PRR7: variants seen among roughly 807,000 people sequenced by gnomAD.
PRR7 encodes proline rich 7, synaptic, also known as proline-rich protein 7.
Under a neutral mutation model 18.5 loss-of-function variants are expected in PRR7, and 8 were observed. The ratio of observed to expected loss-of-function variants is 0.43; its 90% CI spans 0.25 to 0.78. The LOEUF (loss-of-function observed/expected upper bound fraction) is 0.78, where lower values mean the gene tolerates loss of function less well. PRR7 is among the 30% of genes least tolerant of loss of function. The probability of loss-of-function intolerance (pLI) is 0.22; values close to 1 mark genes in which losing one functional copy is unlikely to be tolerated. For missense variants in PRR7, 396 were observed against 403.1 expected (o/e 0.98, Z 0.15); for synonymous variants, 221 against 187.7 (o/e 1.18, Z -1.45).
In PRR7 at chr5:177,455,248, C is replaced by G; in HGVS notation, c.181C>G (p.Leu61Val). 2 of 1,550,454 alleles carry G rather than the reference C, an allele frequency of 1.3e-6. No individual in the cohort carries two copies. The highest frequency in any genetic ancestry group is 1.7e-6 in the Non-Finnish European group (2 of 1,157,226). The change falls in exon 3 of 4, where the codon CTC (leucine) becomes GTC (valine). Residue 61 changes from leucine to valine, a missense_variant. By Grantham distance (32) the Leu-to-Val change is conservative. Transcript: ENST00000323249. The surrounding 1 kb of genome is among the most constrained non-coding windows in gnomAD (Gnocchi z 6.9). ...LRALELEPLE[L>V]EGSLAGSPPG... ...CGCCCTAGAGCTGGAGCCCCTCGAA[C>G]TCGAGGGCAGTCTGGCCGGGAGCCC...
chr5:177,447,663 T>C (rs1001025642), intron 1 of PRR7: 2 of 151,690 alleles, frequency 1.3e-5, no homozygotes, highest in African/African-American at 4.8e-5. Flanking sequence ...GGAGCGAAGC[T>C]TGCATCCCTC....
intron 1 of PRR7, chr5:177,448,443 C>T (rs1306923682): frequency 6.6e-6 from 1 of 152,222 alleles, no homozygotes; most frequent in Non-Finnish European, 1.5e-5. Context: ...GATGAAGACT[C>T]TAAAGGGAGG....
Position 177,455,351 on chromosome 5 carries a change from A to T in PRR7, c.284A>T (p.His95Leu), listed in dbSNP as rs938737842. The change falls in exon 3 of 4, where the codon CAC (histidine) becomes CTC (leucine). Residue 95 changes from histidine (H) to leucine (L), a missense_variant. His to Leu is a moderately conservative substitution (Grantham distance 99). Coordinates refer to ENST00000323249, the MANE Select transcript of PRR7 (RefSeq NM_030567.5). This position sits in a 1 kb window ranked among gnomAD's most constrained non-coding sequence, Gnocchi z 6.9. ...EAPAHAHSHP[H>L]VHVHPLLHHG... Reference sequence around the variant, plus strand: ...CCGGCTCACGCGCACTCGCATCCGCACGTGCACGTGCACCCGCTGCTGCAC... The same window carrying T: ...CCGGCTCACGCGCACTCGCATCCGCTCGTGCACGTGCACCCGCTGCTGCAC... 66 of 1,492,574 alleles carry T rather than the reference A, an allele frequency of 4.4e-5. No homozygotes were observed. Among genetic ancestry groups the T allele is most frequent in the Non-Finnish European group, 5.3e-5 (60 of 1,129,202 alleles). 92.5% of individuals were successfully genotyped at this position (1,492,574 alleles called of 1,614,324 possible). A position where few individuals can be genotyped will look rare whatever the true frequency, so the allele number is the denominator to read the frequency against.
At chr5:177,447,942 G>A (rs774405227) in intron 1 of PRR7, among the ~76,000 whole-genome samples, 1 of 152,208 alleles carries the variant, frequency 6.6e-6, no homozygotes, top group African/African-American at 2.4e-5. Flanking sequence ...AGGGAGGCAC[G>A]CGCCACATGG....
At chr5:177,446,669 G>A (rs1034889219), upstream of PRR7, 3 of 152,078 alleles carry the variant, frequency 2.0e-5, no homozygotes, top group Non-Finnish European at 4.4e-5. This position sits in a 1 kb window ranked among gnomAD's most constrained non-coding sequence, Gnocchi z 5.3. Context: ...GCAGGTGGGT[G>A]ACCGTCCTCC....
chr5:177,447,234 T>C (rs1405784682), intron 1 of PRR7, among the ~76,000 whole-genome samples: 1 of 151,974 alleles, frequency 6.6e-6, no homozygotes, highest in Non-Finnish European at 1.5e-5. Flanking sequence ...GCAACACGAC[T>C]GCGGGGCGGC....
At position 177,450,056 on chromosome 5, in the gene PRR7, G is replaced by A. The variant is rs1756110946; in HGVS notation, c.-325+3096G>A. 6.6e-6 allele frequency among the ~76,000 whole-genome samples: 1 copy of A among 152,156 alleles called. No individual in the cohort carries two copies. Among genetic ancestry groups the A allele is most frequent in the South Asian group, 2.1e-4 (1 of 4,828 alleles). On this transcript the variant is annotated intron_variant, in intron 1 of 3. Transcript: ENST00000323249. This position sits in a 1 kb window ranked among gnomAD's most constrained non-coding sequence, Gnocchi z 6.6. ...CCACCTGGCTATGGAGACCTGAGCT[G>A]GACCCACTCCTTGAGCCTACATCCT...
In PRR7 at chr5:177,455,605, G is replaced by T. The variant is rs1756384288; in HGVS notation, c.427+111G>T. 1.4e-6 allele frequency: 2 copies of T among 1,396,644 alleles called. No individual in the cohort carries two copies. The highest frequency in any genetic ancestry group is 6.1e-5 in the Admixed American group (2 of 32,550). The allele number at this position is 1,396,644 out of a possible 1,614,324, so 86.5% of individuals were successfully genotyped here. ...CCATCCGCAGCCTCCGGGAGAACAC[G>T]GGCGGCGGCGGGCTCGGGTTCGGGC... On this transcript the variant is annotated intron_variant, in intron 3 of 3. Transcript: ENST00000323249. The surrounding 1 kb of genome is among the most constrained non-coding windows in gnomAD (Gnocchi z 6.9).
At position 177,455,576 on chromosome 5, in the gene PRR7, G is replaced by A; in HGVS notation, c.427+82G>A. ...GGAGGGCTCGCTGCTTACCCTCAGGGCTTCCATCCGCAGCCTCCGGGAGAA... is the reference window on the plus strand; with the variant it reads ...GGAGGGCTCGCTGCTTACCCTCAGGACTTCCATCCGCAGCCTCCGGGAGAA... On this transcript the variant is annotated intron_variant, in intron 3 of 3. Coordinates refer to ENST00000323249, the MANE Select transcript of PRR7 (RefSeq NM_030567.5). The surrounding 1 kb of genome is among the most constrained non-coding windows in gnomAD (Gnocchi z 6.9). The A allele has an allele frequency of 7.1e-7, 1 of 1,413,692 alleles. No individual in the cohort carries two copies. The highest frequency in any genetic ancestry group is 9.2e-7 in the Non-Finnish European group (1 of 1,090,142). 87.6% of individuals were successfully genotyped at this position (1,413,692 alleles called of 1,614,324 possible).
Position 177,455,082 on chromosome 5 carries a change from G to A in PRR7, c.15G>A (p.Gln5=), listed in dbSNP as rs1486117064. ...GTGCCGCCGCCATGGTGATGTCCCA[G>A]GGCACCTACACGTTCCTCACGTGCT... MVMS[Q]GTYTFLTCFA... The change falls in exon 3 of 4, where the codon CAG becomes CAA. Residue 5 remains glutamine (Q), a synonymous_variant. Transcript: ENST00000323249. The surrounding 1 kb of genome is among the most constrained non-coding windows in gnomAD (Gnocchi z 6.9). The A allele has an allele frequency of 6.8e-7, 1 of 1,476,600 alleles. No individual in the cohort carries two copies. 91.5% of individuals were successfully genotyped at this position (1,476,600 alleles called of 1,614,324 possible). A position where few individuals can be genotyped will look rare whatever the true frequency, so the allele number is the denominator to read the frequency against.
At chr5:177,453,122 A>G (rs1756235470) in intron 1 of PRR7, among the ~76,000 whole-genome samples, 2 of 152,214 alleles carry the variant, frequency 1.3e-5, no homozygotes, top group African/African-American at 4.8e-5. Flanking sequence ...TCAAATGGGC[A>G]CAACCACCAC....
At chr5:177,452,311 C>T (rs1756199060) in intron 1 of PRR7, among the ~76,000 whole-genome samples, 1 of 152,310 alleles carries the variant, frequency 6.6e-6, no homozygotes, top group East Asian at 1.9e-4. Context: ...CTGGGAGCAG[C>T]AGGCTGCAGG....
chr5:177,456,184 A>C lies in PRR7; in HGVS notation c.*63A>C. 5 of 1,010,034 alleles carry C rather than the reference A, an allele frequency of 5.0e-6. No homozygotes were observed. Among genetic ancestry groups the C allele is most frequent in the East Asian group, 4.7e-5 (1 of 21,252 alleles). 62.6% of individuals were successfully genotyped at this position (1,010,034 alleles called of 1,614,324 possible). On this transcript the variant is annotated 3_prime_UTR_variant, in exon 4 of 4. Coordinates refer to ENST00000323249, the MANE Select transcript of PRR7 (RefSeq NM_030567.5). ...CTGGCCTGACTGCGGGGCTTTTTAA[A>C]TGCTTCCCTGGACTGCGGGGAGGGG...
chr5:177,449,833 A>G lies in PRR7; in HGVS notation c.-325+2873A>G, dbSNP rs903186691. ...CTGCAAGCAAGGGTGCTTGCCACTCAGTACCCTGGCCTAGGCGGAGGGCGG... is the reference window on the plus strand; with the variant it reads ...CTGCAAGCAAGGGTGCTTGCCACTCGGTACCCTGGCCTAGGCGGAGGGCGG... On this transcript the variant is annotated intron_variant, in intron 1 of 3. Transcript: ENST00000323249. This position sits in a 1 kb window ranked among gnomAD's most constrained non-coding sequence, Gnocchi z 4.2. 6.6e-6 allele frequency among the ~76,000 whole-genome samples: 1 copy of G among 152,120 alleles called. No homozygotes were observed. The highest frequency in any genetic ancestry group is 2.4e-5 in the African/African-American group (1 of 41,412).
rs1037900542 is a variant in PRR7, at chr5:177,449,155, A to G, written c.-325+2195A>G. On this transcript the variant is annotated intron_variant, in intron 1 of 3. Transcript: ENST00000323249. This position sits in a 1 kb window ranked among gnomAD's most constrained non-coding sequence, Gnocchi z 4.2. The stretch of plus-strand genomic sequence containing the variant: ...GCAATTAATCAGAATGTTTTTAAAA[A>G]TGGATTGTGAACATGGATTGTTTTT... Among the ~76,000 whole-genome samples, 1 of 152,244 alleles carries G rather than the reference A, an allele frequency of 6.6e-6. No individual in the cohort carries two copies. The highest frequency in any genetic ancestry group is 6.5e-5 in the Admixed American group (1 of 15,286).
chr5:177,447,969 A>G (rs1043142315), intron 1 of PRR7, among the ~76,000 whole-genome samples: 1 of 152,178 alleles, frequency 6.6e-6, no homozygotes, highest in Non-Finnish European at 1.5e-5. Flanking sequence ...CTGGTCCGCC[A>G]GGGGAGCTCC....
chr5:177,455,138 T>C lies in PRR7; in HGVS notation c.71T>C (p.Ile24Thr). Reference protein sequence around the residue: ...FAGFWLIWGLIVLLCCFCSFL... With the variant: ...FAGFWLIWGLTVLLCCFCSFL... Reference sequence around the variant, plus strand: ...GGCTTCTGGCTCATCTGGGGTCTCATCGTCCTGCTCTGCTGCTTCTGCAGC... The same window carrying C: ...GGCTTCTGGCTCATCTGGGGTCTCACCGTCCTGCTCTGCTGCTTCTGCAGC... The change falls in exon 3 of 4, where the codon ATC (isoleucine) becomes ACC (threonine). Residue 24 changes from isoleucine (I) to threonine (T), a missense_variant. Physicochemically the swap from Ile to Thr is moderately conservative, Grantham distance 89. Around this residue, in one of 2 missense-constraint regions of PRR7, gnomAD observed 383 missense variants for 372.6 expected, o/e 1.03. Transcript: ENST00000323249. The surrounding 1 kb of genome is among the most constrained non-coding windows in gnomAD (Gnocchi z 6.9). The C allele has an allele frequency of 6.4e-7, 1 of 1,551,556 alleles. No homozygotes were observed. The highest frequency in any genetic ancestry group is 8.7e-7 in the Non-Finnish European group (1 of 1,151,994).
rs1261110895 is a variant in PRR7 at position 177,455,268 on chromosome 5, G to C, written c.201G>C (p.Gly67=). The C allele has an allele frequency of 1.3e-6, 2 of 1,526,816 alleles. No individual in the cohort carries two copies. Among genetic ancestry groups the C allele is most frequent in the Non-Finnish European group, 1.7e-6 (2 of 1,145,734 alleles). 94.6% of individuals were successfully genotyped at this position (1,526,816 alleles called of 1,614,324 possible). The stretch of plus-strand genomic sequence containing the variant: ...TCGAACTCGAGGGCAGTCTGGCCGG[G>C]AGCCCCCCGGGCCTGGCGCCGCCGC... ...EPLELEGSLA[G]SPPGLAPPQP... is the part of the protein sequence containing the mutation. The change falls in exon 3 of 4, where the codon GGG becomes GGC. Residue 67 remains glycine (G), a synonymous_variant. Coordinates refer to ENST00000323249, the MANE Select transcript of PRR7 (RefSeq NM_030567.5). The surrounding 1 kb of genome is among the most constrained non-coding windows in gnomAD (Gnocchi z 6.9).
At chr5:177,447,218 T>C (rs1354736743) in intron 1 of PRR7, among the ~76,000 whole-genome samples, 1 of 151,712 alleles carries the variant, frequency 6.6e-6, no homozygotes, top group Non-Finnish European at 1.5e-5. Context: ...GGGGTTGCGC[T>C]CCCCGGCAAC....
Sources: allele counts gnomAD v4.1 joint callset (sites outside exome capture counted in the v4.1 genomes callset), GRCh38; gene constraint gnomAD v4.1.1; regional missense constraint gnomAD v4.1.1; non-coding constraint Gnocchi (gnomAD v3.1); transcripts MANE v1.5; gene names NCBI Gene and HGNC (gene_info 2026-07-23, HGNC 2026-07-21).